The following SUGCT variants were observed in gnomAD, a reference collection of about 807,000 sequenced individuals.
SUGCT encodes succinyl-CoA:glutarate-CoA transferase.
SUGCT carries 41 observed loss-of-function variants against 55.0 expected under a neutral mutation model. The observed-to-expected ratio is 0.74, with a 90% CI of 0.58 to 0.97. The LOEUF (loss-of-function observed/expected upper bound fraction) is 0.97. Ranked by LOEUF, SUGCT falls within the 50% of genes least tolerant of loss-of-function variation. The pLI is 0.00. For missense variants in SUGCT, 568 were observed against 547.8 expected, an observed-to-expected ratio of 1.04 and a Z score of -0.37; for synonymous variants, 187 against 200.4, an observed-to-expected ratio of 0.93 and a Z score of 0.56.
intron 12 of SUGCT, among the ~76,000 whole-genome samples, chr7:40,620,479 G>A (rs983593034): frequency 6.6e-6 from 1 of 151,860 alleles, no homozygotes; most frequent in African/African-American, 2.4e-5. Context: ...TCTGCTCACT[G>A]CAACCTCTGC....
chr7:40,571,227 G>A (rs528565006), intron 12 of SUGCT, among the ~76,000 whole-genome samples: 2 of 152,240 alleles, frequency 1.3e-5, no homozygotes, highest in African/African-American at 4.8e-5. Flanking sequence ...TTATCTGCAA[G>A]CATTAACTGC....
intron 12 of SUGCT, among the ~76,000 whole-genome samples, chr7:40,691,351 T>C (rs527859531): frequency 6.6e-6 from 1 of 152,116 alleles, no homozygotes; most frequent in South Asian, 2.1e-4. Flanking sequence ...AAGACAGAAC[T>C]TTTTCTCCTC....
intron 8 of SUGCT, among the ~76,000 whole-genome samples, chr7:40,285,072 G>A (rs1793230432): frequency 6.6e-6 from 1 of 152,146 alleles, no homozygotes; most frequent in Non-Finnish European, 1.5e-5. Context: ...TTACTAGTGG[G>A]AGAATATCCC....
chr7:40,725,159 T>C (rs942712228), intron 12 of SUGCT, among the ~76,000 whole-genome samples: 15 of 152,172 alleles, frequency 9.9e-5, no homozygotes, highest in African/African-American at 3.6e-4. Context: ...GGTTATAGAA[T>C]GTAGAATTTT....
intron 13 of SUGCT, among the ~76,000 whole-genome samples, chr7:40,831,771 T>A (rs2128778610): frequency 6.6e-6 from 1 of 152,332 alleles, no homozygotes; most frequent in Non-Finnish European, 1.5e-5. Flanking sequence ...GTGATACTCT[T>A]CTTACTATTC....
chr7:40,508,191 G>A lies in SUGCT; in HGVS notation c.1089+11805G>A, dbSNP rs184335274. ...TCTAAGAGTGAGAACTAGAAGTGGTGGTGGTGAGTGCCCTTAGTCTTTTTG... is the reference window on the plus strand; with the variant it reads ...TCTAAGAGTGAGAACTAGAAGTGGTAGTGGTGAGTGCCCTTAGTCTTTTTG... On this transcript the variant is annotated intron_variant, in intron 12 of 13. Transcript: ENST00000335693. Among the ~76,000 whole-genome samples the A allele has an allele frequency of 8.3e-3, 1,261 of 152,226 alleles. 13 individuals are homozygous for A. The highest frequency in any genetic ancestry group is 0.014 in the Middle Eastern group (4 of 294).
chr7:40,419,214 A>G (rs1787172155), intron 9 of SUGCT, among the ~76,000 whole-genome samples: 2 of 152,276 alleles, frequency 1.3e-5, no homozygotes, highest in East Asian at 3.9e-4. Flanking sequence ...GTAGTTCTTC[A>G]TGGGTTTCAT....
intron 9 of SUGCT, among the ~76,000 whole-genome samples, chr7:40,343,055 A>G (rs187317876): frequency 6.6e-6 from 1 of 152,210 alleles, no homozygotes; most frequent in African/African-American, 2.4e-5. Context: ...TGAAGTAATG[A>G]CTGTTGGTGA....
the SUGCT span, among the ~76,000 whole-genome samples, chr7:40,948,327 A>T: frequency 6.6e-6 from 1 of 152,214 alleles, no homozygotes; most frequent in Non-Finnish European, 1.5e-5. Flanking sequence ...AGCAACTTTC[A>T]ATAAGTAACT....
At chr7:40,380,497 T>G (rs1403348724) in intron 9 of SUGCT, among the ~76,000 whole-genome samples, 1 of 152,178 alleles carries the variant, frequency 6.6e-6, no homozygotes. Flanking sequence ...TCTGTGCAGC[T>G]TGCCTCCTCC....
chr7:40,485,147 A>C (rs931882814), intron 11 of SUGCT, among the ~76,000 whole-genome samples: 2 of 152,046 alleles, frequency 1.3e-5, no homozygotes, highest in African/African-American at 4.8e-5. Context: ...TAATTAGTTA[A>C]GATTTTTATG....
At chr7:41,038,463 G>A in the SUGCT span, among the ~76,000 whole-genome samples, 19 of 152,326 alleles carry the variant, frequency 1.2e-4, 1 homozygote, top group East Asian at 7.7e-4. Flanking sequence ...TACGTGGGAC[G>A]TGGCTGCTGC....
At chr7:40,874,289 A>G in the SUGCT span, among the ~76,000 whole-genome samples, 18 of 152,334 alleles carry the variant, frequency 1.2e-4, no homozygotes, top group African/African-American at 4.1e-4. Context: ...ACAGTTGTGT[A>G]TAGAGTGGAC....
chr7:40,980,001 A>G, the SUGCT span: 66 of 152,326 alleles, frequency 4.3e-4, no homozygotes, highest in African/African-American at 1.5e-3. Context: ...AAACAACAAC[A>G]GTTTATTTTC....
chr7:40,409,262 CT>C lies in SUGCT; in HGVS notation c.817-40019del, dbSNP rs751011920. Among the ~76,000 whole-genome samples, 22 of 119,278 alleles carry C rather than the reference CT, an allele frequency of 1.8e-4. 1 individual carries two copies. Among genetic ancestry groups the C allele is most frequent in the Admixed American group, 9.7e-5 (1 of 10,276 alleles). The allele number at this position is 119,278 out of a possible 152,430, so 78.3% of individuals were successfully genotyped here. A position where few individuals can be genotyped will look rare whatever the true frequency, so the allele number is the denominator to read the frequency against. On this transcript the variant is annotated intron_variant, in intron 9 of 13. Coordinates refer to ENST00000335693, the MANE Select transcript of SUGCT (RefSeq NM_001193313.2). ...TGAGCCATCATGCTGAGCTGTCTCTCTTTTTTATTTTTATTTTTTGAGACAG... is the reference window on the plus strand; with the variant it reads ...TGAGCCATCATGCTGAGCTGTCTCTCTTTTTATTTTTATTTTTTGAGACAG...
At chr7:40,861,035 G>A (rs1202153987), downstream of SUGCT, among the ~76,000 whole-genome samples, 5 of 152,248 alleles carry the variant, frequency 3.3e-5, no homozygotes, top group South Asian at 2.1e-4. Context: ...TAGACTTTGC[G>A]GATGTCCATT....
chr7:40,338,118 G>T (rs1032310268), intron 9 of SUGCT, among the ~76,000 whole-genome samples: 3 of 152,148 alleles, frequency 2.0e-5, no homozygotes, highest in Non-Finnish European at 4.4e-5. Context: ...CAATAGATCC[G>T]CTGTTAGTCT....
intron 12 of SUGCT, among the ~76,000 whole-genome samples, chr7:40,642,059 G>A (rs752863149): frequency 3.3e-5 from 5 of 152,096 alleles, no homozygotes; most frequent in African/African-American, 7.2e-5. Context: ...TTCCCTTCCC[G>A]TGGTCTTTAC....
At chr7:40,730,088 CAGG>C (rs1786816837) in intron 12 of SUGCT, among the ~76,000 whole-genome samples, 1 of 152,090 alleles carries the variant, frequency 6.6e-6, no homozygotes, top group African/African-American at 2.4e-5. Context: ...GATTTGAACA[CAGG>C]AGAGTCCATT....
Sources: gnomAD v4.1 joint callset for allele counts (sites outside exome capture counted in the v4.1 genomes callset) on GRCh38, gnomAD v4.1.1 for gene constraint, MANE v1.5 for transcripts, NCBI Gene and HGNC (gene_info 2026-07-23, HGNC 2026-07-21) for gene names.